The following EPPK1 variants were observed in gnomAD, a reference collection of about 807,000 sequenced individuals.
The protein encoded by EPPK1 is epiplakin 1.
For synonymous variants in EPPK1, 1,862 were observed against 1,721.2 expected, an observed-to-expected ratio of 1.08 and a Z score of -2.03; for missense variants, 3,823 against 3,673.3, an observed-to-expected ratio of 1.04 and a Z score of -1.05.
chr8:143,872,210 G>A lies in EPPK1; in HGVS notation c.1044C>T (p.Val348=). 1 of 1,607,702 alleles carries A rather than the reference G, an allele frequency of 6.2e-7. No homozygotes were observed. The part of the protein sequence containing the change: ...WVDEAVRAGL[V]SPELHEQLLV... ...GGAGCTGCTCATGGAGCTCTGGGCT[G>A]ACCAGGCCCGCCCTGACTGCCTCGT... The change falls in exon 2 of 2, where the codon GTC becomes GTT. Residue 348 remains valine, a synonymous_variant. Coordinates refer to ENST00000615648, the MANE Select transcript of EPPK1 (RefSeq NM_031308.4).
rs201986967 is a variant in EPPK1 at position 143,868,646 on chromosome 8, C to T, written c.4608G>A (p.Ala1536=). The part of the protein sequence containing the change: ...KQVSARDLFR[A]QLISRKTLDE... Reference sequence around the variant, plus strand: ...CCAGCGTCTTCCTGCTGATCAGCTGCGCCCTGAACAGGTCCCTGGCTGACA... The same window carrying T: ...CCAGCGTCTTCCTGCTGATCAGCTGTGCCCTGAACAGGTCCCTGGCTGACA... The change falls in exon 2 of 2, where the codon GCG becomes GCA. Residue 1536 remains alanine, a synonymous_variant. Transcript: ENST00000615648. The T allele has an allele frequency of 6.5e-5, 104 of 1,590,196 alleles. No individual in the cohort carries two copies. Among genetic ancestry groups the T allele is most frequent in the East Asian group, 2.5e-4 (11 of 43,550 alleles).
rs782613830 is a variant in EPPK1 at position 143,869,382 on chromosome 8, TCAA to T, written c.3869_3871del (p.Val1290del). ...TGACAGTCTCTGGTTGTTCAGGGGGTCAACAAGGAAGCCAGATGCCACCTGGGC... is the reference window on the plus strand; with the variant it reads ...TGACAGTCTCTGGTTGTTCAGGGGGTCAAGGAAGCCAGATGCCACCTGGGC... On this transcript the variant is annotated inframe_deletion, in exon 2 of 2. Transcript: ENST00000615648. 11 of 1,610,138 alleles carry T rather than the reference TCAA, an allele frequency of 6.8e-6. No homozygotes were observed. In the South Asian group the frequency reaches 8.8e-5, roughly 13 times the overall value.
chr8:143,869,751 C>T lies in EPPK1; in HGVS notation c.3503G>A (p.Gly1168Glu). ...TAGCAGCTGTGGCACAGTGGTCCTCCCCTCCTGCACGTCCTCCAGCAGGCC... is the reference window on the plus strand; with the variant it reads ...TAGCAGCTGTGGCACAGTGGTCCTCTCCTCCTGCACGTCCTCCAGCAGGCC... The part of the protein sequence containing the change: ...RRGLLEDVQE[G>E]RTTVPQLLAS... The change falls in exon 2 of 2, where the codon GGG becomes GAG. Residue 1168 changes from glycine (G) to glutamate (E), a missense_variant. Transcript: ENST00000615648. 1 of 1,601,598 alleles carries T rather than the reference C, an allele frequency of 6.2e-7. No homozygotes were observed.
At position 143,868,761 on chromosome 8, in the gene EPPK1, A is replaced by G. The variant is rs1554660078; in HGVS notation, c.4493T>C (p.Leu1498Pro). The G allele has an allele frequency of 1.3e-6, 2 of 1,591,928 alleles. No homozygotes were observed. The highest frequency in any genetic ancestry group is 1.3e-5 in the African/African-American group (1 of 74,638). Residue 1498 changes from leucine (L) to proline (P), a missense_variant, in exon 2 of 2, where the codon CTG becomes CCG. Physicochemically the swap from Leu to Pro is moderately conservative, Grantham distance 98. Coordinates refer to ENST00000615648, the MANE Select transcript of EPPK1 (RefSeq NM_031308.4). ...GGTGACTGCGCTGACCACCTGCCGC[A>G]GGGCCGCAGCCCTCCCAGACCGACA... Reference protein sequence around the residue: ...ALCRSGRAAALRQVVSAVTTL... With the variant: ...ALCRSGRAAAPRQVVSAVTTL...
chr8:143,870,584 G>A lies in EPPK1; in HGVS notation c.2670C>T (p.His890=), dbSNP rs1819309696. Residue 890 remains histidine (H), a synonymous_variant, in exon 2 of 2, where the codon CAC becomes CAT. Coordinates refer to ENST00000615648, the MANE Select transcript of EPPK1 (RefSeq NM_031308.4). The surrounding 1 kb of genome is among the most constrained non-coding windows in gnomAD (Gnocchi z 5.2). ...CAATGATACCGGCCTCCAGGAGCTG[G>A]TGGACGGTGACCCGGCTCCGCAGTG... ...LPALRSRVTV[H]QLLEAGIIDQ... 7.5e-6 allele frequency: 12 copies of A among 1,610,196 alleles called. No individual in the cohort carries two copies. Among genetic ancestry groups the A allele is most frequent in the Non-Finnish European group, 1.0e-5 (12 of 1,179,088 alleles).
At position 143,871,473 on chromosome 8, in the gene EPPK1, T is replaced by G; in HGVS notation, c.1781A>C (p.Lys594Thr). 1 of 1,608,952 alleles carries G rather than the reference T, an allele frequency of 6.2e-7. No homozygotes were observed. The highest frequency in any genetic ancestry group is 1.7e-4 in the Middle Eastern group (1 of 6,060). The change falls in exon 2 of 2, where the codon AAG (lysine) becomes ACG (threonine). Residue 594 changes from lysine to threonine, a missense_variant. Transcript: ENST00000615648. ...CACCGAGGCCAGGCTGCCCACATCC[T>G]TGGCTGTGGCCTGTCCATGCTCCAG... ...ERLEHGQATAKDVGSLASVQR... is the reference protein window; with the variant it reads ...ERLEHGQATATDVGSLASVQR...
Position 143,871,824 on chromosome 8 carries a change from G to A in EPPK1, c.1430C>T (p.Pro477Leu). Residue 477 changes from proline to leucine, a missense_variant, in exon 2 of 2, where the codon CCC becomes CTC. Pro to Leu is a moderately conservative substitution (Grantham distance 98). Coordinates refer to ENST00000615648, the MANE Select transcript of EPPK1 (RefSeq NM_031308.4). Reference protein sequence around the residue: ...PLSGGPRGGEPQGPPFIKYST... With the variant: ...PLSGGPRGGELQGPPFIKYST... ...GTACTTGATGAATGGGGGTCCCTGG[G>A]GCTCCCCTCCCCGGGGTCCCCCTGA... 6.2e-7 allele frequency: 1 copy of A among 1,612,414 alleles called. No individual in the cohort carries two copies. Among genetic ancestry groups the A allele is most frequent in the Non-Finnish European group, 8.5e-7 (1 of 1,179,834 alleles).
Position 143,866,676 on chromosome 8 carries a change from G to T in EPPK1, c.6578C>A (p.Thr2193Lys), listed in dbSNP as rs782320865. ...ASELLSSAII[T>K]EEMLQDLETG... ...TTCCAGGTCCTGGAGCATTTCCTCC[G>T]TGATTATGGCTGAGCTGAGGAGTTC... Residue 2193 changes from threonine to lysine, a missense_variant, in exon 2 of 2, where the codon ACG (threonine) becomes AAG (lysine). Coordinates refer to ENST00000615648, the MANE Select transcript of EPPK1 (RefSeq NM_031308.4). The T allele has an allele frequency of 6.2e-7, 1 of 1,613,210 alleles. No individual in the cohort carries two copies. Among genetic ancestry groups the T allele is most frequent in the African/African-American group, 1.3e-5 (1 of 75,054 alleles).
In EPPK1 at chr8:143,873,124, C is replaced by A; in HGVS notation, c.130G>T (p.Ala44Ser). The A allele has an allele frequency of 6.3e-7, 1 of 1,576,984 alleles. No individual in the cohort carries two copies. Among genetic ancestry groups the A allele is most frequent in the Non-Finnish European group, 8.6e-7 (1 of 1,165,716 alleles). The change falls in exon 2 of 2, where the codon GCT (alanine) becomes TCT (serine). Residue 44 changes from alanine to serine, a missense_variant. Physicochemically the swap from Ala to Ser is moderately conservative, Grantham distance 99. Coordinates refer to ENST00000615648, the MANE Select transcript of EPPK1 (RefSeq NM_031308.4). ...TPPRPQARSI[A>S]GVYVEASGQA... ...CCCGAGGCCTCCACATACACCCCAG[C>A]TATGCTCCTGGCCTGGGGCCTGGGG...
At position 143,873,094 on chromosome 8, in the gene EPPK1, C is replaced by T. The variant is rs782394054; in HGVS notation, c.160G>A (p.Ala54Thr). The change falls in exon 2 of 2, where the codon GCC becomes ACC. Residue 54 changes from alanine (A) to threonine (T), a missense_variant. Coordinates refer to ENST00000615648, the MANE Select transcript of EPPK1 (RefSeq NM_031308.4). ...AGVYVEASGQAQSVYAAMEQG... is the reference protein window; with the variant it reads ...AGVYVEASGQTQSVYAAMEQG... ...TCCATGGCGGCGTAGACACTCTGGG[C>T]CTGGCCCGAGGCCTCCACATACACC... The T allele has an allele frequency of 2.1e-5, 32 of 1,555,744 alleles. No homozygotes were observed. The African/African-American group carries it at 4.1e-4, about 20-fold the overall frequency.
In EPPK1 at chr8:143,872,210, G is replaced by C. The variant is rs782287222; in HGVS notation, c.1044C>G (p.Val348=). ...GGAGCTGCTCATGGAGCTCTGGGCT[G>C]ACCAGGCCCGCCCTGACTGCCTCGT... ...WVDEAVRAGL[V]SPELHEQLLV... Residue 348 remains valine (V), a synonymous_variant, in exon 2 of 2, where the codon GTC becomes GTG. Coordinates refer to ENST00000615648, the MANE Select transcript of EPPK1 (RefSeq NM_031308.4). The C allele has an allele frequency of 8.1e-6, 13 of 1,607,584 alleles. No homozygotes were observed. Among genetic ancestry groups the C allele is most frequent in the Admixed American group, 5.0e-5 (3 of 59,536 alleles).
In EPPK1 at chr8:143,872,457, A is replaced by G; in HGVS notation, c.797T>C (p.Leu266Pro). The G allele has an allele frequency of 1.9e-6, 3 of 1,595,026 alleles. No individual in the cohort carries two copies. Among genetic ancestry groups the G allele is most frequent in the Non-Finnish European group, 1.7e-6 (2 of 1,176,474 alleles). Residue 266 changes from leucine (L) to proline (P), a missense_variant, in exon 2 of 2, where the codon CTG becomes CCG. Leu to Pro is a moderately conservative substitution (Grantham distance 98). Coordinates refer to ENST00000615648, the MANE Select transcript of EPPK1 (RefSeq NM_031308.4). ...ACGTGCACTCACGTCCACTGCGGCC[A>G]GCCTGCCCTCCCGCAGACCCTGCAC... ...QAVQGLREGRLAAVDVSARAE... is the reference protein window; with the variant it reads ...QAVQGLREGRPAAVDVSARAE...
At position 143,868,303 on chromosome 8, in the gene EPPK1, C is replaced by A. The variant is rs200748786; in HGVS notation, c.4951G>T (p.Gly1651Cys). The change falls in exon 2 of 2, where the codon GGC (glycine) becomes TGC (cysteine). Residue 1651 changes from glycine to cysteine, a missense_variant. By Grantham distance (159) the Gly-to-Cys change is radical (BLOSUM62 -3). Coordinates refer to ENST00000615648, the MANE Select transcript of EPPK1 (RefSeq NM_031308.4). ...KLLSAERAVT[G>C]YTDPYTGQQI... ...TGCCCGGTATAGGGGTCGGTGTAGC[C>A]GGTGACGGCGCGCTCGGCCGACAGC... 3.7e-6 allele frequency: 6 copies of A among 1,613,142 alleles called. No individual in the cohort carries two copies. Among genetic ancestry groups the A allele is most frequent in the African/African-American group, 2.7e-5 (2 of 75,046 alleles).
Position 143,866,087 on chromosome 8 carries a change from G to A in EPPK1, c.7167C>T (p.Pro2389=). ...CGTACGTGAGGTTCTCGTGCGTGTTGGGGTCGAAGAAGCCCTTGGTGTCGT... is the reference window on the plus strand; with the variant it reads ...CGTACGTGAGGTTCTCGTGCGTGTTAGGGTCGAAGAAGCCCTTGGTGTCGT... ...PSDDTKGFFD[P]NTHENLTYVQ... is the part of the protein sequence containing the mutation. Residue 2389 remains proline (P), a synonymous_variant, in exon 2 of 2, where the codon CCC becomes CCT. Coordinates refer to ENST00000615648, the MANE Select transcript of EPPK1 (RefSeq NM_031308.4). 3.7e-6 allele frequency: 1 copy of A among 271,196 alleles called. No individual in the cohort carries two copies. Among genetic ancestry groups the A allele is most frequent in the South Asian group, 2.6e-5 (1 of 38,934 alleles). 16.8% of individuals were successfully genotyped at this position (271,196 alleles called of 1,614,324 possible).
At position 143,857,919 on chromosome 8, in the gene EPPK1, A is replaced by AC; in HGVS notation, c.*67dup. ...GACAAAAAAAAAAAAAAAAAAAAAA[A>AC]CAACCCAGACACACAAGTATGCCTC... On this transcript the variant is annotated 3_prime_UTR_variant, in exon 2 of 2. Coordinates refer to ENST00000615648, the MANE Select transcript of EPPK1 (RefSeq NM_031308.4). 2.7e-6 allele frequency: 2 copies of AC among 732,008 alleles called. No individual in the cohort carries two copies. The highest frequency in any genetic ancestry group is 4.0e-6 in the Non-Finnish European group (2 of 501,858). 45.3% of individuals were successfully genotyped at this position (732,008 alleles called of 1,614,324 possible). A position where few individuals can be genotyped will look rare whatever the true frequency, so the allele number is the denominator to read the frequency against.
intron 1 of EPPK1, among the ~76,000 whole-genome samples, chr8:143,877,064 G>T (rs1194822369): frequency 6.6e-6 from 1 of 152,276 alleles, no homozygotes; most frequent in Non-Finnish European, 1.5e-5. Context: ...GGGCGCTTGG[G>T]AGCAGGGAGT....
chr8:143,867,301 C>T lies in EPPK1; in HGVS notation c.5953G>A (p.Asp1985Asn). ...ATGYRDPATG[D>N]TIPLFQAMQK... ...ATGGCCTGGAACAGCGGGATCGTGT[C>T]TCCTGTGGCCGGATCCCTGTAGCCC... The change falls in exon 2 of 2, where the codon GAC becomes AAC. Residue 1985 changes from aspartate to asparagine, a missense_variant. Transcript: ENST00000615648. 6.2e-7 allele frequency: 1 copy of T among 1,612,526 alleles called. No individual in the cohort carries two copies. The highest frequency in any genetic ancestry group is 8.5e-7 in the Non-Finnish European group (1 of 1,179,658).
In EPPK1 at chr8:143,872,441, C is replaced by G. The variant is rs1819386395; in HGVS notation, c.813G>C (p.Val271=). Residue 271 remains valine (V), a synonymous_variant, in exon 2 of 2, where the codon GTG becomes GTC. Coordinates refer to ENST00000615648, the MANE Select transcript of EPPK1 (RefSeq NM_031308.4). ...LREGRLAAVD[V]SARAEVRRYL... is the part of the protein sequence containing the mutation. Reference sequence around the variant, plus strand: ...AGCGCCGCACCTCGGCACGTGCACTCACGTCCACTGCGGCCAGCCTGCCCT... The same window carrying G: ...AGCGCCGCACCTCGGCACGTGCACTGACGTCCACTGCGGCCAGCCTGCCCT... 6.3e-7 allele frequency: 1 copy of G among 1,599,110 alleles called. No individual in the cohort carries two copies. The highest frequency in any genetic ancestry group is 1.1e-5 in the South Asian group (1 of 90,818).
chr8:143,871,855 G>T lies in EPPK1; in HGVS notation c.1399C>A (p.Pro467Thr), dbSNP rs371191891. 1.2e-5 allele frequency: 19 copies of T among 1,611,666 alleles called. No individual in the cohort carries two copies. In the African/African-American group the frequency reaches 2.5e-4, roughly 21 times the overall value. ...TDPETGLAFL[P>T]LSGGPRGGEP... ...CCTCCCCGGGGTCCCCCTGAGAGTGGCAGGAAGGCAAGCCCGGTCTCTGGG... is the reference window on the plus strand; with the variant it reads ...CCTCCCCGGGGTCCCCCTGAGAGTGTCAGGAAGGCAAGCCCGGTCTCTGGG... The change falls in exon 2 of 2, where the codon CCA becomes ACA. Residue 467 changes from proline to threonine, a missense_variant. Physicochemically the swap from Pro to Thr is conservative, Grantham distance 38 (BLOSUM62 -1). Transcript: ENST00000615648.
Sources: gnomAD v4.1 joint callset for allele counts (sites outside exome capture counted in the v4.1 genomes callset) on GRCh38, gnomAD v4.1.1 for gene constraint, Gnocchi (gnomAD v3.1) non-coding constraint, MANE v1.5 for transcripts, NCBI Gene and HGNC (gene_info 2026-07-23, HGNC 2026-07-21) for gene names.